Variants in NTRK3 observed in about 807,000 individuals in gnomAD.
NTRK3 encodes the protein NT-3 growth factor receptor.
NTRK3 carries 24 observed loss-of-function variants against 91.7 expected under a neutral mutation model. The observed-to-expected ratio is 0.26, with a 90% confidence interval of 0.19 to 0.37. The LOEUF (loss-of-function observed/expected upper bound fraction) is 0.37, where lower values mean the gene tolerates loss of function less well. NTRK3 is among the 10% of genes least tolerant of loss of function. The probability of loss-of-function intolerance (pLI) is 1.00; values close to 1 mark genes in which losing one functional copy is unlikely to be tolerated. For synonymous variants in NTRK3, 483 were observed against 404.0 expected (o/e 1.20, Z -2.34); for missense variants, 880 against 1,068.9 (o/e 0.82, Z 2.46).
intron 14 of NTRK3, among the ~76,000 whole-genome samples, chr15:88,014,848 T>C (rs983065315): frequency 3.3e-5 from 5 of 152,246 alleles, no homozygotes; most frequent in Admixed American, 3.3e-4. Flanking sequence ...GCAAAAGTCA[T>C]TGGTCGATCT....
At chr15:88,103,819 G>A (rs2050419866) in intron 13 of NTRK3, among the ~76,000 whole-genome samples, 1 of 152,102 alleles carries the variant, frequency 6.6e-6, no homozygotes, top group Non-Finnish European at 1.5e-5. Flanking sequence ...GAGATAACAA[G>A]CTCCTTACAT....
intron 14 of NTRK3, among the ~76,000 whole-genome samples, chr15:87,953,315 C>T (rs1232158029): frequency 6.6e-6 from 1 of 152,228 alleles, no homozygotes; most frequent in Non-Finnish European, 1.5e-5. Context: ...TCCGAGTTTG[C>T]TGCCTCTCGG....
intron 5 of NTRK3, among the ~76,000 whole-genome samples, chr15:88,160,252 G>A (rs555740372): frequency 1.1e-4 from 16 of 152,278 alleles, no homozygotes; most frequent in African/African-American, 3.1e-4. Flanking sequence ...AGACGAGCAC[G>A]TAGCAACAGG....
intron 5 of NTRK3, among the ~76,000 whole-genome samples, chr15:88,154,110 CA>C (rs397736752): frequency 0.016 from 1,355 of 86,568 alleles, 11 homozygotes; most frequent in East Asian, 0.065. Context: ...ATAGACTTTG[CA>C]AAAAAAAAAA....
chr15:87,909,226 G>GA (rs1320918649), intron 17 of NTRK3, among the ~76,000 whole-genome samples: 1 of 151,944 alleles, frequency 6.6e-6, no homozygotes, highest in Non-Finnish European at 1.5e-5. Context: ...CACCACTCAG[G>GA]AAAAAAGCTC....
chr15:88,107,891 G>A (rs546345128), intron 13 of NTRK3, among the ~76,000 whole-genome samples: 8 of 152,000 alleles, frequency 5.3e-5, no homozygotes, highest in Non-Finnish European at 1.2e-4. Flanking sequence ...CCAACAAGCG[G>A]GAGAGGGGCA....
chr15:88,047,129 T>C (rs1473767938), intron 13 of NTRK3, among the ~76,000 whole-genome samples: 2 of 152,126 alleles, frequency 1.3e-5, no homozygotes, highest in East Asian at 1.9e-4. Flanking sequence ...CAGACCCTCA[T>C]AAACATACCG....
rs193276481 is a variant in NTRK3, at chr15:88,241,400, C to A, written c.248+14506G>T. Among the ~76,000 whole-genome samples the A allele has an allele frequency of 2.0e-5, 3 of 152,080 alleles. No homozygotes were observed. Among genetic ancestry groups the A allele is most frequent in the Non-Finnish European group, 2.9e-5 (2 of 68,016 alleles). ...GCAGCTCAGGGATGGGGGTGATGGG[C>A]GCAGGGAAGAGCAACCAATCATTTC... On this transcript the variant is annotated intron_variant, in intron 3 of 18. Transcript: ENST00000394480. This position sits in a 1 kb window ranked among gnomAD's most constrained non-coding sequence, Gnocchi z 4.3.
intron 3 of NTRK3, among the ~76,000 whole-genome samples, chr15:88,188,763 C>G (rs2047151227): frequency 6.6e-6 from 1 of 152,220 alleles, no homozygotes; most frequent in Admixed American, 6.5e-5. Flanking sequence ...GTGTGTTGGC[C>G]TGCTGGACCG....
intron 17 of NTRK3, among the ~76,000 whole-genome samples, chr15:87,890,836 A>T (rs1176336464): frequency 6.6e-6 from 1 of 152,078 alleles, no homozygotes; most frequent in Non-Finnish European, 1.5e-5. Flanking sequence ...ATCCTTTTGG[A>T]GGGCAATGGA....
intron 14 of NTRK3, among the ~76,000 whole-genome samples, chr15:87,955,697 C>G (rs541435359): frequency 2.9e-4 from 44 of 152,276 alleles, no homozygotes; most frequent in African/African-American, 9.9e-4. Flanking sequence ...CAGGCACGAC[C>G]ATTGGCCCCA....
intron 14 of NTRK3, among the ~76,000 whole-genome samples, chr15:87,973,669 G>T (rs2073452747): frequency 6.6e-6 from 1 of 152,108 alleles, no homozygotes; most frequent in South Asian, 2.1e-4. Flanking sequence ...GGAGAGCTGG[G>T]AGAGAGGAGG....
intron 14 of NTRK3, among the ~76,000 whole-genome samples, chr15:88,021,730 G>A (rs2077608248): frequency 6.6e-6 from 1 of 152,158 alleles, no homozygotes; most frequent in Non-Finnish European, 1.5e-5. Flanking sequence ...TTGGTTTTTA[G>A]TTATTGACCA....
At chr15:88,215,403 CG>C (rs1294005320) in intron 3 of NTRK3, among the ~76,000 whole-genome samples, 4 of 152,224 alleles carry the variant, frequency 2.6e-5, no homozygotes, top group Non-Finnish European at 5.9e-5. Flanking sequence ...ATTCACTCTG[CG>C]TGTAGGCATT....
At chr15:88,007,236 G>A (rs2076559220) in intron 14 of NTRK3, among the ~76,000 whole-genome samples, 1 of 152,194 alleles carries the variant, frequency 6.6e-6, no homozygotes, top group African/African-American at 2.4e-5. Context: ...AGACAAGGAA[G>A]CAAGGCTTAA....
chr15:88,005,036 T>C (rs1327067589), intron 14 of NTRK3, among the ~76,000 whole-genome samples: 2 of 152,118 alleles, frequency 1.3e-5, no homozygotes, highest in East Asian at 1.9e-4. Context: ...TGTGCAAAGG[T>C]ATGAAAGTAG....
intron 3 of NTRK3, among the ~76,000 whole-genome samples, chr15:88,194,827 C>T (rs2047686002): frequency 6.6e-6 from 1 of 152,156 alleles, no homozygotes; most frequent in African/African-American, 2.4e-5. Flanking sequence ...TCAGCTGAAA[C>T]CTCCCTCTCT....
chr15:88,102,923 C>T (rs1419215818), intron 13 of NTRK3, among the ~76,000 whole-genome samples: 1 of 152,206 alleles, frequency 6.6e-6, no homozygotes, highest in Non-Finnish European at 1.5e-5. Context: ...TTTTGATGGT[C>T]CCTGCCATAT....
intron 3 of NTRK3, among the ~76,000 whole-genome samples, chr15:88,231,153 C>G (rs2051148166): frequency 6.6e-6 from 1 of 152,220 alleles, no homozygotes; most frequent in African/African-American, 2.4e-5. Context: ...GACCTCTCCC[C>G]CTAACCATTT....
Sources: gnomAD v4.1 joint callset for allele counts (sites outside exome capture counted in the v4.1 genomes callset) on GRCh38, gnomAD v4.1.1 for gene constraint, Gnocchi (gnomAD v3.1) non-coding constraint, MANE v1.5 for transcripts, NCBI Gene and HGNC (gene_info 2026-07-23, HGNC 2026-07-21) for gene names.